CADPS: variants seen among roughly 807,000 people sequenced by gnomAD.
The protein encoded by CADPS is calcium dependent secretion activator.
Under a neutral mutation model 167.3 loss-of-function variants are expected in CADPS, and 57 were observed. The ratio of observed to expected loss-of-function variants is 0.34; its 90% confidence interval spans 0.28 to 0.42. The LOEUF is 0.42. CADPS is among the 20% of genes least tolerant of loss of function. The pLI is 1.00. For synonymous variants in CADPS, 676 were observed against 635.3 expected, an observed-to-expected ratio of 1.06 and a Z score of -0.96; for missense variants, 1,414 against 1,738.1, an observed-to-expected ratio of 0.81 and a Z score of 3.32.
At chr3:62,489,449 C>T (rs976867726) in intron 21 of CADPS, among the ~76,000 whole-genome samples, 4 of 152,298 alleles carry the variant, frequency 2.6e-5, no homozygotes, top group African/African-American at 4.8e-5. Context: ...CGTGAGCCGC[C>T]GCACCCGGCC....
chr3:62,562,513 C>A (rs2079357904), intron 9 of CADPS, among the ~76,000 whole-genome samples: 1 of 152,090 alleles, frequency 6.6e-6, no homozygotes, highest in Non-Finnish European at 1.5e-5. Flanking sequence ...GAATTTATTT[C>A]TTGTAGACAT....
chr3:62,826,373 T>A (rs1386719213), intron 1 of CADPS, among the ~76,000 whole-genome samples: 1 of 152,170 alleles, frequency 6.6e-6, no homozygotes, highest in African/African-American at 2.4e-5. Context: ...ACTGTATCAA[T>A]GTCCATTTCC....
At chr3:62,576,772 A>C (rs929866553) in intron 8 of CADPS, among the ~76,000 whole-genome samples, 7 of 128,456 alleles carry the variant, frequency 5.4e-5, no homozygotes, top group African/African-American at 1.8e-4. Flanking sequence ...CCTGGGTGAC[A>C]GAGCAAGACT....
intron 1 of CADPS, among the ~76,000 whole-genome samples, chr3:62,769,601 T>G (rs1199400520): frequency 6.6e-6 from 1 of 152,170 alleles, no homozygotes; most frequent in Non-Finnish European, 1.5e-5. Flanking sequence ...ACATTTCACA[T>G]GTACACATCT....
chr3:62,479,949 T>C (rs938505191), intron 22 of CADPS, among the ~76,000 whole-genome samples: 1 of 152,220 alleles, frequency 6.6e-6, no homozygotes, highest in Non-Finnish European at 1.5e-5. Context: ...TGGAACTGCA[T>C]GGTTGTATGT....
chr3:62,545,107 A>T (rs1274451954), intron 11 of CADPS, among the ~76,000 whole-genome samples: 8 of 152,172 alleles, frequency 5.3e-5, no homozygotes, highest in African/African-American at 1.9e-4. Context: ...GTTCTCAAAA[A>T]TACCCAGCTT....
chr3:62,659,317 G>C (rs539623230), intron 4 of CADPS, among the ~76,000 whole-genome samples: 1 of 152,116 alleles, frequency 6.6e-6, no homozygotes, highest in Non-Finnish European at 1.5e-5. Flanking sequence ...GCCAATATCC[G>C]AGATCTTGAT....
At chr3:62,833,750 C>T (rs1559838984) in intron 1 of CADPS, among the ~76,000 whole-genome samples, 1 of 152,056 alleles carries the variant, frequency 6.6e-6, no homozygotes, top group Non-Finnish European at 1.5e-5. Context: ...GGGCTCACTG[C>T]TCTCCCTCCA....
chr3:62,417,553 G>A (rs2050383900), intron 28 of CADPS, among the ~76,000 whole-genome samples: 4 of 151,744 alleles, frequency 2.6e-5, no homozygotes. Flanking sequence ...CCAAAGTGTT[G>A]GGATTAAAGG....
rs2063468843 is a variant in CADPS, at chr3:62,623,272, C to T, written c.1325+22450G>A. The stretch of plus-strand genomic sequence containing the variant: ...AGAGCTGACCAAGAAGAGAGAGAGA[C>T]ACAAGGTCAACACAGAGTCATTCCA... On this transcript the variant is annotated intron_variant, in intron 6 of 29. Transcript: ENST00000383710. 4.6e-5 allele frequency among the ~76,000 whole-genome samples: 7 copies of T among 152,170 alleles called. No individual in the cohort carries two copies. In the South Asian group the frequency reaches 1.5e-3, roughly 32 times the overall value.
chr3:62,642,963 C>G (rs370473855), intron 6 of CADPS, among the ~76,000 whole-genome samples: 3 of 133,018 alleles, frequency 2.3e-5, no homozygotes, highest in Non-Finnish European at 5.0e-5. Context: ...AAAACAAAAC[C>G]CAAACCTCAA....
chr3:62,823,044 A>G (rs987685169), intron 1 of CADPS, among the ~76,000 whole-genome samples: 1 of 152,148 alleles, frequency 6.6e-6, no homozygotes, highest in South Asian at 2.1e-4. Context: ...CTGCCACCAC[A>G]TGAGAAATGA....
At chr3:62,857,366 A>C (rs1050133615) in intron 1 of CADPS, among the ~76,000 whole-genome samples, 2 of 152,090 alleles carry the variant, frequency 1.3e-5, no homozygotes, top group Non-Finnish European at 2.9e-5. Context: ...ACAGCATTTT[A>C]AATTTATATA....
At chr3:62,857,669 C>T (rs1001950489) in intron 1 of CADPS, among the ~76,000 whole-genome samples, 4 of 151,816 alleles carry the variant, frequency 2.6e-5, no homozygotes, top group African/African-American at 9.7e-5. Flanking sequence ...ATAATATTAA[C>T]CTCTATATAT....
rs111963771 is a variant in CADPS, at chr3:62,453,499, A to T, written c.3637-7702T>A. ...ATGTCCTCTATAAAGGCAAAACCAA[A>T]ACCTAACAGAACCAACACTCAATAC... On this transcript the variant is annotated intron_variant, in intron 26 of 29. Transcript: ENST00000383710. Among the ~76,000 whole-genome samples, 129 of 152,304 alleles carry T rather than the reference A, an allele frequency of 8.5e-4. 1 individual carries two copies. Among genetic ancestry groups the T allele is most frequent in the Middle Eastern group, 3.4e-3 (1 of 294 alleles).
chr3:62,525,061 T>A (rs2071718839), intron 13 of CADPS, among the ~76,000 whole-genome samples: 1 of 152,200 alleles, frequency 6.6e-6, no homozygotes, highest in Non-Finnish European at 1.5e-5. Context: ...GAAAATATGT[T>A]TTTGTACCAG....
chr3:62,566,829 G>A (rs1490435329), intron 9 of CADPS, among the ~76,000 whole-genome samples: 4 of 152,046 alleles, frequency 2.6e-5, no homozygotes, highest in Non-Finnish European at 5.9e-5. Flanking sequence ...GGGGATGGAT[G>A]TCCCCAACAT....
intron 6 of CADPS, among the ~76,000 whole-genome samples, chr3:62,642,305 C>T (rs1054772935): frequency 2.0e-5 from 3 of 151,972 alleles, no homozygotes; most frequent in Non-Finnish European, 1.5e-5. Flanking sequence ...TAAAAATAGT[C>T]AAAGACAAGA....
At chr3:62,708,960 G>C (rs888417727) in intron 3 of CADPS, among the ~76,000 whole-genome samples, 6 of 152,030 alleles carry the variant, frequency 3.9e-5, no homozygotes, top group African/African-American at 1.5e-4. Flanking sequence ...TCCACCCTGG[G>C]AGGAGGCTCT....
Sources: allele counts gnomAD v4.1 joint callset (sites outside exome capture counted in the v4.1 genomes callset), GRCh38; gene constraint gnomAD v4.1.1; transcripts MANE v1.5; gene names NCBI Gene and HGNC (gene_info 2026-07-23, HGNC 2026-07-21).